The following SIM2 variants were observed in gnomAD, a reference collection of about 807,000 sequenced individuals.
SIM2 encodes single-minded homolog 2.
A neutral mutation model predicts 64.8 loss-of-function variants in SIM2; 28 were observed. That is an observed-to-expected ratio of 0.43 (90% CI 0.32 to 0.59). SIM2 has a LOEUF of 0.59. SIM2 is among the 20% of genes least tolerant of loss of function. The pLI is 0.07. For missense variants in SIM2, 847 were observed against 871.4 expected, an observed-to-expected ratio of 0.97 and a Z score of 0.35; for synonymous variants, 408 against 391.1, an observed-to-expected ratio of 1.04 and a Z score of -0.51.
intron 6 of SIM2, among the ~76,000 whole-genome samples, chr21:36,728,334 C>T (rs1213766915): frequency 6.6e-6 from 1 of 152,172 alleles, no homozygotes; most frequent in Non-Finnish European, 1.5e-5. Context: ...AAGTGGTCTC[C>T]CCAGAGGAGA....
chr21:36,708,781 C>T (rs2088627394), intron 1 of SIM2, among the ~76,000 whole-genome samples: 1 of 152,152 alleles, frequency 6.6e-6, no homozygotes, highest in South Asian at 2.1e-4. Context: ...GGAATATTTG[C>T]GGGTCAAATC....
intron 6 of SIM2, among the ~76,000 whole-genome samples, chr21:36,730,358 G>A (rs2088950257): frequency 6.6e-6 from 1 of 152,256 alleles, no homozygotes; most frequent in Admixed American, 6.5e-5. Context: ...ATCATGCTGA[G>A]TGAAAGAAGC....
intron 7 of SIM2, among the ~76,000 whole-genome samples, chr21:36,734,110 G>A (rs1601705201): frequency 1.3e-5 from 2 of 152,176 alleles, no homozygotes; most frequent in Non-Finnish European, 2.9e-5. Context: ...ATTGGCTGTC[G>A]TGCTGTCAGC....
At chr21:36,712,650 C>T in intron 3 of SIM2, 28 bp downstream of exon 3, 6 of 1,458,604 alleles carry the variant, frequency 4.1e-6, no homozygotes, top group Non-Finnish European at 5.8e-6. Flanking sequence ...TTATGTGCAA[C>T]CAAAATATTA....
At chr21:36,746,370 C>T (rs2089227623) in intron 10 of SIM2, 1 of 152,892 alleles carries the variant, frequency 6.5e-6, no homozygotes, top group Admixed American at 6.5e-5. Context: ...GCACACCAGC[C>T]CCTGCTTAAG....
At chr21:36,702,953 A>AAAAAG (rs1291908346) in intron 1 of SIM2, among the ~76,000 whole-genome samples, 6 of 151,596 alleles carry the variant, frequency 4.0e-5, no homozygotes, top group Non-Finnish European at 8.8e-5. Context: ...AAAAAAAAAA[A>AAAAAG]AAGAATAGCA....
In SIM2 at chr21:36,748,272, G is replaced by C. The variant is rs1055654418; in HGVS notation, c.*180G>C. On this transcript the variant is annotated 3_prime_UTR_variant, in exon 11 of 11. Transcript: ENST00000290399. Reference sequence around the variant, plus strand: ...CCCGCGCGCCGGTGCCGAGGGCCGAGGAGCGCCCGGGTCCGGGCAGGTGAC... The same window carrying C: ...CCCGCGCGCCGGTGCCGAGGGCCGACGAGCGCCCGGGTCCGGGCAGGTGAC... 3.7e-6 allele frequency: 1 copy of C among 272,670 alleles called. No homozygotes were observed. The highest frequency in any genetic ancestry group is 6.3e-6 in the Non-Finnish European group (1 of 158,808). The allele number at this position is 272,670 out of a possible 1,614,324, so 16.9% of individuals were successfully genotyped here. A position where few individuals can be genotyped will look rare whatever the true frequency, so the allele number is the denominator to read the frequency against.
At chr21:36,718,280 G>T (rs900969482) in intron 3 of SIM2, among the ~76,000 whole-genome samples, 25 of 152,296 alleles carry the variant, frequency 1.6e-4, no homozygotes, top group African/African-American at 5.5e-4. Context: ...CCAAGTAAAA[G>T]CTGATGGCCT....
intron 7 of SIM2, among the ~76,000 whole-genome samples, chr21:36,739,590 GGTAA>G: frequency 6.6e-6 from 1 of 152,236 alleles, no homozygotes; most frequent in South Asian, 2.1e-4. Flanking sequence ...ACCCTTTGTA[GGTAA>G]GTCTGTGTTT....
At chr21:36,721,893 C>T (rs1261412363) in intron 4 of SIM2, among the ~76,000 whole-genome samples, 1 of 152,164 alleles carries the variant, frequency 6.6e-6, no homozygotes, top group Non-Finnish European at 1.5e-5. Context: ...TGCCCTGTTT[C>T]TGTAGCCTTT....
In SIM2 at chr21:36,747,583, G is replaced by A. The variant is rs538926172; in HGVS notation, c.1577-82G>A. ...TGCAGCGCGTGGGCGGCCGAGGGGT[G>A]GTGGCTGCGCCCGGGGCTTGGGGGT... On this transcript the variant is annotated intron_variant, in intron 10 of 10. Coordinates refer to ENST00000290399, the MANE Select transcript of SIM2 (RefSeq NM_005069.6). This position sits in a 1 kb window ranked among gnomAD's most constrained non-coding sequence, Gnocchi z 4.5. 3.3e-4 allele frequency: 337 copies of A among 1,034,696 alleles called. 2 individuals are homozygous for A. In the African/African-American group the frequency reaches 5.2e-3, roughly 16 times the overall value. 64.1% of individuals were successfully genotyped at this position (1,034,696 alleles called of 1,614,324 possible).
rs558642509 is a variant in SIM2 at position 36,731,015 on chromosome 21, G to A, written c.744-30G>A. On this transcript the variant is annotated intron_variant, in intron 6 of 10. Coordinates refer to ENST00000290399, the MANE Select transcript of SIM2 (RefSeq NM_005069.6). ...AATGAAAGGCAGTCTGCAGAGTGGCGTAACTCACTGAGCTGCCATGCCCCC... is the reference window on the plus strand; with the variant it reads ...AATGAAAGGCAGTCTGCAGAGTGGCATAACTCACTGAGCTGCCATGCCCCC... The A allele has an allele frequency of 1.8e-4, 276 of 1,528,618 alleles. 3 individuals are homozygous for A. Among genetic ancestry groups the A allele is most frequent in the South Asian group, 1.6e-3 (143 of 89,082 alleles). 94.7% of individuals were successfully genotyped at this position (1,528,618 alleles called of 1,614,324 possible).
At chr21:36,738,530 C>T (rs995313126) in intron 7 of SIM2, among the ~76,000 whole-genome samples, 2 of 152,172 alleles carry the variant, frequency 1.3e-5, no homozygotes, top group Admixed American at 6.5e-5. Flanking sequence ...TGGCAAAAAT[C>T]GCAAGTACTT....
rs964410199 is a variant in SIM2 at position 36,741,834 on chromosome 21, A to C, written c.968A>C (p.His323Pro). 1.2e-6 allele frequency: 2 copies of C among 1,603,994 alleles called. No individual in the cohort carries two copies. Among genetic ancestry groups the C allele is most frequent in the Admixed American group, 1.7e-5 (1 of 58,714 alleles). Residue 323 changes from histidine (H) to proline (P), a missense_variant, in exon 8 of 11, where the codon CAC becomes CCC. His to Pro is a moderately conservative substitution (Grantham distance 77). This residue lies in a region of SIM2 where 397 missense variants were observed against 439.2 expected (regional missense o/e 0.90). Transcript: ENST00000290399. Reference protein sequence around the residue: ...VVHNSRSSRPHCIVSVNYVLT... With the variant: ...VVHNSRSSRPPCIVSVNYVLT... Reference sequence around the variant, plus strand: ...CACAACAGCCGCTCGTCCCGGCCCCACTGCATCGTGAGTGTCAATTATGTA... The same window carrying C: ...CACAACAGCCGCTCGTCCCGGCCCCCCTGCATCGTGAGTGTCAATTATGTA...
In SIM2 at chr21:36,720,028, G is replaced by A. The variant is rs79022672; in HGVS notation, c.457+99G>A. 2.6e-3 allele frequency: 2,204 copies of A among 843,250 alleles called. 35 individuals are homozygous for A. In the African/African-American group the frequency reaches 0.033, roughly 13 times the overall value. The allele number at this position is 843,250 out of a possible 1,614,324, so 52.2% of individuals were successfully genotyped here. ...GCTTCCCACATCTGCCAAGTGGCTG[G>A]GCATGACTAGGACTGCCCAGCCCAG... On this transcript the variant is annotated intron_variant, in intron 4 of 10. Coordinates refer to ENST00000290399, the MANE Select transcript of SIM2 (RefSeq NM_005069.6).
chr21:36,723,006 G>A, intron 4 of SIM2, 39 bp from the exon 5 acceptor site: 16 of 1,530,644 alleles, frequency 1.0e-5, no homozygotes, highest in Non-Finnish European at 1.4e-5. Flanking sequence ...GGGAAGCACG[G>A]AGGGACAGCT....
intron 1 of SIM2, among the ~76,000 whole-genome samples, chr21:36,708,901 G>A (rs980642958): frequency 3.3e-5 from 5 of 152,242 alleles, no homozygotes; most frequent in Admixed American, 2.6e-4. Flanking sequence ...GGCGACCCGC[G>A]GGAGCTGTGG....
chr21:36,718,598 G>A (rs1016991025), intron 3 of SIM2, among the ~76,000 whole-genome samples: 7 of 152,186 alleles, frequency 4.6e-5, no homozygotes, highest in African/African-American at 9.7e-5. Context: ...ACCCAAGGAC[G>A]GTTTCCCACA....
intron 4 of SIM2, among the ~76,000 whole-genome samples, chr21:36,722,529 G>A (rs1195698527): frequency 6.6e-6 from 1 of 152,226 alleles, no homozygotes; most frequent in South Asian, 2.1e-4. Flanking sequence ...GGACACATTT[G>A]CATTGACAAT....
Sources: allele counts gnomAD v4.1 joint callset (sites outside exome capture counted in the v4.1 genomes callset), GRCh38; gene constraint gnomAD v4.1.1; regional missense constraint gnomAD v4.1.1; non-coding constraint Gnocchi (gnomAD v3.1); transcripts MANE v1.5; gene names NCBI Gene and HGNC (gene_info 2026-07-23, HGNC 2026-07-21).